MAGI1: variants seen among roughly 807,000 people sequenced by gnomAD.
MAGI1 encodes the protein membrane associated guanylate kinase, WW and PDZ domain containing 1, also known as membrane-associated guanylate kinase, WW and PDZ domain-containing protein 1.
A neutral mutation model predicts 139.9 loss-of-function variants in MAGI1; 58 were observed. That is an observed-to-expected ratio of 0.41 (90% confidence interval 0.34 to 0.52). MAGI1 has a LOEUF of 0.52. MAGI1 is among the 20% of genes least tolerant of loss of function. The probability of loss-of-function intolerance (pLI) is 0.12; values close to 1 mark genes in which losing one functional copy is unlikely to be tolerated. For synonymous variants in MAGI1, 812 were observed against 737.9 expected (o/e 1.10, Z -1.63); for missense variants, 1,874 against 1,901.6 (o/e 0.99, Z 0.27).
intron 1 of MAGI1, among the ~76,000 whole-genome samples, chr3:65,949,688 A>T (rs1463893105): frequency 6.6e-6 from 1 of 152,188 alleles, no homozygotes; most frequent in African/African-American, 2.4e-5. Context: ...TAGGATCTAA[A>T]CTTAAACCTC....
intron 1 of MAGI1, among the ~76,000 whole-genome samples, chr3:65,764,217 C>T (rs578019578): frequency 4.6e-5 from 7 of 151,908 alleles, no homozygotes; most frequent in African/African-American, 1.2e-4. Context: ...AGTTCCACAC[C>T]CACCCACCCA....
intron 22 of MAGI1, 59 bp downstream of exon 22, chr3:65,361,140 G>A (rs752605292): frequency 4.3e-6 from 7 of 1,613,780 alleles, no homozygotes; most frequent in Non-Finnish European, 8.5e-7. Flanking sequence ...TGCCGTTCTG[G>A]AGACAAATTC....
At chr3:65,545,976 A>T (rs1340350937) in intron 2 of MAGI1, among the ~76,000 whole-genome samples, 1 of 142,948 alleles carries the variant, frequency 7.0e-6, no homozygotes, top group Non-Finnish European at 1.5e-5. Flanking sequence ...GTATGATCTC[A>T]CACACACACA....
chr3:65,374,312 A>C (rs1942285934), intron 18 of MAGI1, among the ~76,000 whole-genome samples: 1 of 98,052 alleles, frequency 1.0e-5, no homozygotes. Context: ...TATCAACTTA[A>C]CTTTTTTTTT....
intron 2 of MAGI1, among the ~76,000 whole-genome samples, chr3:65,509,346 G>A (rs577979203): frequency 7.2e-5 from 11 of 152,310 alleles, no homozygotes; most frequent in Admixed American, 1.3e-4. Flanking sequence ...AGCTCCCAGC[G>A]TGAGCGACGC....
chr3:65,845,519 C>T (rs2058961701), intron 1 of MAGI1, among the ~76,000 whole-genome samples: 1 of 152,170 alleles, frequency 6.6e-6, no homozygotes. Flanking sequence ...AGTAGGCACT[C>T]AAAAAATGCC....
chr3:65,715,715 T>C (rs2032153869), intron 1 of MAGI1, among the ~76,000 whole-genome samples: 1 of 152,240 alleles, frequency 6.6e-6, no homozygotes, highest in Admixed American at 6.5e-5. Flanking sequence ...GCACTCGCCA[T>C]GCTGTGGAAT....
In MAGI1 at chr3:65,504,517, C is replaced by T. The variant is rs187387020; in HGVS notation, c.431-10886G>A. ...AGGACTTGAAACCAGGTTTTTGTTA[C>T]TAGGTGGGAACTTCTGTACACAAAG... On this transcript the variant is annotated intron_variant, in intron 2 of 22. Coordinates refer to ENST00000402939, the MANE Select transcript of MAGI1 (RefSeq NM_001033057.2). 6.6e-5 allele frequency among the ~76,000 whole-genome samples: 10 copies of T among 152,196 alleles called. No homozygotes were observed. The South Asian group carries it at 1.9e-3, about 28-fold the overall frequency.
At chr3:66,034,055 G>A (rs2068783488) in intron 1 of MAGI1, among the ~76,000 whole-genome samples, 1 of 152,088 alleles carries the variant, frequency 6.6e-6, no homozygotes, top group Non-Finnish European at 1.5e-5. Flanking sequence ...CTATACCCTA[G>A]TACAGTAGTT....
intron 1 of MAGI1, among the ~76,000 whole-genome samples, chr3:65,833,115 T>C (rs1347645944): frequency 8.8e-6 from 1 of 113,162 alleles, no homozygotes; most frequent in African/African-American, 3.2e-5. Flanking sequence ...AATGGAGGTC[T>C]ACTGAACTTT....
At chr3:66,013,737 G>A (rs1249001428) in intron 1 of MAGI1, among the ~76,000 whole-genome samples, 5 of 150,378 alleles carry the variant, frequency 3.3e-5, no homozygotes, top group Admixed American at 1.3e-4. Flanking sequence ...CTCCAGCCAG[G>A]GCAACAGAGT....
At chr3:65,927,017 G>A (rs1445829780) in intron 1 of MAGI1, among the ~76,000 whole-genome samples, 1 of 152,048 alleles carries the variant, frequency 6.6e-6, no homozygotes, top group Non-Finnish European at 1.5e-5. Context: ...TAAAAATGGG[G>A]AGAAACCCTC....
intron 1 of MAGI1, among the ~76,000 whole-genome samples, chr3:65,865,897 C>T (rs894295117): frequency 2.6e-5 from 4 of 152,182 alleles, no homozygotes; most frequent in Non-Finnish European, 5.9e-5. Context: ...ACCTCAGCCT[C>T]CCAAAGTGCT....
At chr3:65,549,907 C>A (rs1445531967) in intron 2 of MAGI1, among the ~76,000 whole-genome samples, 1 of 152,048 alleles carries the variant, frequency 6.6e-6, no homozygotes, top group Non-Finnish European at 1.5e-5. Context: ...TCATCATCAC[C>A]ACTATTTTAC....
chr3:65,967,411 T>G (rs1311393824), intron 1 of MAGI1, among the ~76,000 whole-genome samples: 1 of 152,146 alleles, frequency 6.6e-6, no homozygotes, highest in East Asian at 1.9e-4. Context: ...AAAAAAAGGT[T>G]ACGCCAATAA....
chr3:65,595,799 T>C (rs2082163201), intron 2 of MAGI1, among the ~76,000 whole-genome samples: 1 of 108,156 alleles, frequency 9.2e-6, no homozygotes, highest in Admixed American at 9.3e-5. Context: ...CTTCCGTTTT[T>C]AACTCTCTGG....
chr3:65,688,329 T>C (rs2088256081), intron 1 of MAGI1: 1 of 695,572 alleles, frequency 1.4e-6, no homozygotes, highest in African/African-American at 1.8e-5. Flanking sequence ...TTCTGAAATA[T>C]CTACCTGGGA....
At chr3:65,407,403 C>A (rs1575637417) in intron 12 of MAGI1, among the ~76,000 whole-genome samples, 1 of 149,518 alleles carries the variant, frequency 6.7e-6, no homozygotes, top group African/African-American at 2.5e-5. Context: ...GCCAAGATCA[C>A]ACCACTGCAC....
At chr3:65,757,253 C>A (rs2107853915) in intron 1 of MAGI1, among the ~76,000 whole-genome samples, 1 of 152,258 alleles carries the variant, frequency 6.6e-6, no homozygotes, top group East Asian at 1.9e-4. Context: ...AAACTGGAGG[C>A]CAGGGACCTT....
Sources: allele counts gnomAD v4.1 joint callset (sites outside exome capture counted in the v4.1 genomes callset), GRCh38; gene constraint gnomAD v4.1.1; transcripts MANE v1.5; gene names NCBI Gene and HGNC (gene_info 2026-07-23, HGNC 2026-07-21).